The following SLC5A11 variants were observed in gnomAD, a reference collection of about 807,000 sequenced individuals.
The protein encoded by SLC5A11 is solute carrier family 5 member 11, also known as sodium/myo-inositol cotransporter 2.
SLC5A11 carries 48 observed loss-of-function variants against 69.8 expected under a neutral mutation model. The ratio of observed to expected loss-of-function variants is 0.69; its 90% confidence interval spans 0.55 to 0.87. SLC5A11 has a LOEUF of 0.87. Among genes scored for constraint, SLC5A11 ranks in the 40% least tolerant of loss-of-function variants. SLC5A11 has a pLI of 0.00. For missense variants in SLC5A11, 784 were observed against 866.1 expected (o/e 0.91, Z 1.19); for synonymous variants, 319 against 342.4 (o/e 0.93, Z 0.75).
At chr16:24,860,211 C>T (rs977563059) in intron 2 of SLC5A11, among the ~76,000 whole-genome samples, 4 of 151,990 alleles carry the variant, frequency 2.6e-5, no homozygotes, top group Admixed American at 6.6e-5. Context: ...GGCATGAATC[C>T]GGGAGGCAGA....
chr16:24,867,598 CA>C (rs2046994945), intron 3 of SLC5A11, among the ~76,000 whole-genome samples: 1 of 151,952 alleles, frequency 6.6e-6, no homozygotes, highest in Admixed American at 6.6e-5. Context: ...TTGAAAACAT[CA>C]ACAAAATTGA....
intron 3 of SLC5A11, among the ~76,000 whole-genome samples, chr16:24,864,715 T>C (rs1055657157): frequency 6.6e-6 from 1 of 152,094 alleles, no homozygotes; most frequent in Non-Finnish European, 1.5e-5. Flanking sequence ...ATTTTAACTA[T>C]ATCCAAAAAA....
At position 24,858,789 on chromosome 16, in the gene SLC5A11, C is replaced by G. The variant is rs377601425; in HGVS notation, c.135+11C>G. The G allele has an allele frequency of 5.0e-5, 80 of 1,606,608 alleles. No individual in the cohort carries two copies. The highest frequency in any genetic ancestry group is 1.6e-4 in the East Asian group (7 of 44,756). On this transcript the variant is annotated intron_variant, in intron 2 of 15. Coordinates refer to ENST00000347898, the Ensembl canonical transcript of SLC5A11. ...GCTGTTGGACTATGGGTAAGCCAGG[C>G]CACTGGGGGATGGGGGATGAAGAGA... is the stretch of plus-strand genomic sequence containing the variant.
In SLC5A11 at chr16:24,911,540, G is replaced by A. The variant is rs956666658; in HGVS notation, c.*7G>A. 5 of 1,613,898 alleles carry A rather than the reference G, an allele frequency of 3.1e-6. No individual in the cohort carries two copies. The African/African-American group carries it at 6.7e-5, about 22-fold the overall frequency. ...CTGGGGCTATTTTGCTTAGTGTGGG[G>A]TGAACCCAGGGGTCCAAACTCTGTT... On this transcript the variant is annotated 3_prime_UTR_variant, in exon 16 of 16. Transcript: ENST00000347898.
intron 5 of SLC5A11, among the ~76,000 whole-genome samples, chr16:24,873,974 A>C (rs750161678): frequency 2.6e-5 from 4 of 151,670 alleles, no homozygotes; most frequent in Non-Finnish European, 5.9e-5. Context: ...TTACAGGTGC[A>C]CACCACCACG....
intron 1 of SLC5A11, among the ~76,000 whole-genome samples, chr16:24,847,415 C>G (rs2059077049): frequency 6.7e-6 from 1 of 150,206 alleles, no homozygotes; most frequent in South Asian, 2.1e-4. Context: ...TTTCTGTTCT[C>G]TCTCTCTCTC....
rs149185424 is a variant in SLC5A11 at position 24,873,338 on chromosome 16, A to T, written c.372+1119A>T. Among the ~76,000 whole-genome samples the T allele has an allele frequency of 5.8e-4, 88 of 151,686 alleles. 1 individual carries two copies. Among genetic ancestry groups the T allele is most frequent in the African/African-American group, 2.0e-3 (84 of 41,380 alleles). On this transcript the variant is annotated intron_variant, in intron 5 of 15. Coordinates refer to ENST00000347898, the Ensembl canonical transcript of SLC5A11. ...AATGTACCCTGCAAGCCTTTAGAAAATCACAATGCTGGCTGGGCACAGTGG... is the reference window on the plus strand; with the variant it reads ...AATGTACCCTGCAAGCCTTTAGAAATTCACAATGCTGGCTGGGCACAGTGG...
chr16:24,881,985 T>C (rs1193497615), intron 7 of SLC5A11, among the ~76,000 whole-genome samples: 1 of 152,062 alleles, frequency 6.6e-6, no homozygotes, highest in African/African-American at 2.4e-5. Flanking sequence ...ATATGCAAAG[T>C]CCCCTGATAC....
intron 8 of SLC5A11, among the ~76,000 whole-genome samples, chr16:24,886,598 G>A (rs7200647): frequency 0.39 from 58,631 of 151,818 alleles, 12,539 homozygotes; most frequent in Non-Finnish European, 0.49. Context: ...AGCTAGGTGT[G>A]AAGGGTTTGC....
intron 3 of SLC5A11, 123 bp downstream of exon 4, chr16:24,862,795 C>G: frequency 1.4e-6 from 1 of 695,794 alleles, no homozygotes; most frequent in Non-Finnish European, 2.2e-6. Context: ...ATTGTCTAAA[C>G]TAGAGAAGGC....
In SLC5A11 at chr16:24,862,048, A is replaced by T. The variant is rs534948641; in HGVS notation, c.136-553A>T. ...AGACACCAAACCTCTCGGTGCCTTG[A>T]TATTGAACTTCCAAGTCTCCAGAAT... On this transcript the variant is annotated intron_variant, in intron 2 of 15. Transcript: ENST00000347898. 2.0e-5 allele frequency: 3 copies of T among 152,380 alleles called. No homozygotes were observed. The South Asian group carries it at 6.2e-4, about 32-fold the overall frequency. 9.4% of individuals were successfully genotyped at this position (152,380 alleles called of 1,614,324 possible). A position where few individuals can be genotyped will look rare whatever the true frequency, so the allele number is the denominator to read the frequency against.
intron 8 of SLC5A11, among the ~76,000 whole-genome samples, chr16:24,888,478 C>CTTTTTTTTTTTTTTTTT (rs891552223): frequency 1.2e-5 from 1 of 81,406 alleles, no homozygotes; most frequent in Non-Finnish European, 2.2e-5. Flanking sequence ...GTATCTATTT[C>CTTTTTTTTTTTTTTTTT]TTTTTTTTTT....
intron 1 of SLC5A11, among the ~76,000 whole-genome samples, chr16:24,854,886 G>A (rs1215995727): frequency 6.6e-6 from 1 of 152,124 alleles, no homozygotes; most frequent in Non-Finnish European, 1.5e-5. Flanking sequence ...CCCTTACCCT[G>A]AAAGGGAGTC....
chr16:24,858,697 G>A (rs34080398), exon 2 of SLC5A11: 23 of 1,611,556 alleles, frequency 1.4e-5, no homozygotes, highest in Admixed American at 1.7e-5. Context: ...CCCTGGATGC[G>A]TTTCCCCAGA....
chr16:24,893,772 A>G (rs2048971607), intron 9 of SLC5A11, among the ~76,000 whole-genome samples: 1 of 152,002 alleles, frequency 6.6e-6, no homozygotes, highest in Non-Finnish European at 1.5e-5. Flanking sequence ...GGGTTTCGCT[A>G]TGTTGGCCAG....
At chr16:24,906,707 C>G (rs143409067) in exon 11 of SLC5A11, 2 of 1,613,752 alleles carry the variant, frequency 1.2e-6, no homozygotes, top group African/African-American at 2.7e-5. Context: ...CTGCAGCAAC[C>G]CCTCAGGCTG....
intron 5 of SLC5A11, among the ~76,000 whole-genome samples, chr16:24,874,404 C>G (rs933507374): frequency 1.3e-5 from 2 of 152,152 alleles, no homozygotes; most frequent in African/African-American, 4.8e-5. Context: ...AAGATATTGA[C>G]AAACATTTTC....
At chr16:24,853,448 C>T (rs189299478) in intron 1 of SLC5A11, among the ~76,000 whole-genome samples, 126 of 152,202 alleles carry the variant, frequency 8.3e-4, no homozygotes, top group Middle Eastern at 3.4e-3. Context: ...CAGGGCCTGG[C>T]GTGGAGCCTG....
intron 10 of SLC5A11, among the ~76,000 whole-genome samples, chr16:24,899,008 G>A (rs114600374): frequency 0.013 from 1,954 of 151,716 alleles, 56 homozygotes; most frequent in African/African-American, 0.045. Flanking sequence ...TGTAAAGACA[G>A]GGTCTCACTA....
Sources: gnomAD v4.1 joint callset for allele counts (sites outside exome capture counted in the v4.1 genomes callset) on GRCh38, gnomAD v4.1.1 for gene constraint, MANE v1.5 for transcripts, NCBI Gene and HGNC (gene_info 2026-07-23, HGNC 2026-07-21) for gene names.